ABTB3: variants seen among roughly 807,000 people sequenced by gnomAD.
The protein encoded by ABTB3 is ankyrin repeat and BTB domain containing 3.
At chr12:107,342,858 C>T in the ABTB3 span, among the ~76,000 whole-genome samples, 2 of 152,262 alleles carry the variant, frequency 1.3e-5, no homozygotes, top group East Asian at 3.9e-4. Flanking sequence ...CTCCTTTGAA[C>T]CCCCGTAGGC....
At chr12:107,441,495 A>C in the ABTB3 span, among the ~76,000 whole-genome samples, 1 of 152,164 alleles carries the variant, frequency 6.6e-6, no homozygotes, top group Non-Finnish European at 1.5e-5. Context: ...ATCAGGAAAA[A>C]TAGCTAATGC....
chr12:107,494,931 T>A, the ABTB3 span, among the ~76,000 whole-genome samples: 1 of 152,272 alleles, frequency 6.6e-6, no homozygotes, highest in Admixed American at 6.5e-5. Context: ...AAAACAGGCC[T>A]TTTAAACTCT....
At chr12:107,360,747 G>A in the ABTB3 span, among the ~76,000 whole-genome samples, 1 of 151,912 alleles carries the variant, frequency 6.6e-6, no homozygotes, top group Non-Finnish European at 1.5e-5. Context: ...TAGTCACTGG[G>A]TACATGGCTT....
chr12:107,439,925 C>G, the ABTB3 span, among the ~76,000 whole-genome samples: 2 of 152,288 alleles, frequency 1.3e-5, no homozygotes, highest in East Asian at 3.9e-4. Flanking sequence ...GGTATTAATT[C>G]CCTGCTGCTT....
chr12:107,432,180 C>T, the ABTB3 span, among the ~76,000 whole-genome samples: 7 of 152,142 alleles, frequency 4.6e-5, no homozygotes, highest in African/African-American at 1.7e-4. Flanking sequence ...CGTGTATGAC[C>T]TCCCTCCACC....
the ABTB3 span, among the ~76,000 whole-genome samples, chr12:107,538,292 T>G: frequency 6.6e-6 from 1 of 152,350 alleles, no homozygotes; most frequent in Non-Finnish European, 1.5e-5. Context: ...AATTTCAGTC[T>G]TATTAGTTCT....
At chr12:107,556,471 AGG>A in the ABTB3 span, among the ~76,000 whole-genome samples, 1 of 152,194 alleles carries the variant, frequency 6.6e-6, no homozygotes, top group Admixed American at 6.5e-5. Context: ...AGCTATCACC[AGG>A]CAGAACTGGG....
the ABTB3 span, among the ~76,000 whole-genome samples, chr12:107,414,441 A>G: frequency 6.6e-6 from 1 of 151,960 alleles, no homozygotes. Context: ...CTAAATTTTT[A>G]CCCCCACCCA....
chr12:107,406,562 G>C, the ABTB3 span, among the ~76,000 whole-genome samples: 8 of 152,128 alleles, frequency 5.3e-5, no homozygotes, highest in Non-Finnish European at 1.2e-4. Flanking sequence ...AGTGAGCTCA[G>C]AGCATGAGAT....
At chr12:107,443,253 C>G in the ABTB3 span, among the ~76,000 whole-genome samples, 1 of 151,550 alleles carries the variant, frequency 6.6e-6, no homozygotes, top group Non-Finnish European at 1.5e-5. Context: ...AATGGCGCGG[C>G]CTTTTTTTTT....
At chr12:107,397,894 T>C in the ABTB3 span, among the ~76,000 whole-genome samples, 1 of 152,184 alleles carries the variant, frequency 6.6e-6, no homozygotes, top group Non-Finnish European at 1.5e-5. Flanking sequence ...TAACGGCACC[T>C]CCGTTCTGTG....
the ABTB3 span, among the ~76,000 whole-genome samples, chr12:107,517,861 C>G: frequency 6.6e-6 from 1 of 152,116 alleles, no homozygotes; most frequent in Non-Finnish European, 1.5e-5. Flanking sequence ...TTGCAATCTA[C>G]TCATCTGACA....
the ABTB3 span, among the ~76,000 whole-genome samples, chr12:107,532,473 G>T: frequency 6.6e-6 from 1 of 152,106 alleles, no homozygotes; most frequent in Non-Finnish European, 1.5e-5. Flanking sequence ...ACACTGCTGC[G>T]CCCACCTGGA....
the ABTB3 span, chr12:107,651,647 C>CTG: frequency 6.4e-7 from 1 of 1,572,618 alleles, no homozygotes; most frequent in Non-Finnish European, 8.7e-7. Flanking sequence ...CTCCCAGCCT[C>CTG]TAACAGACTC....
the ABTB3 span, among the ~76,000 whole-genome samples, chr12:107,654,374 C>A: frequency 1.3e-5 from 2 of 152,188 alleles, no homozygotes; most frequent in African/African-American, 4.8e-5. Context: ...TCTCAGCTCA[C>A]TGTAACCTTT....
At chr12:107,631,890 A>G in the ABTB3 span, among the ~76,000 whole-genome samples, 11 of 152,226 alleles carry the variant, frequency 7.2e-5, no homozygotes, top group African/African-American at 2.7e-4. Flanking sequence ...TCTCTACTGT[A>G]AACTTCCTCT....
chr12:107,365,366 G>A, the ABTB3 span, among the ~76,000 whole-genome samples: 11 of 152,244 alleles, frequency 7.2e-5, no homozygotes, highest in African/African-American at 2.2e-4. Context: ...ATTGTTCAGA[G>A]TTTTGGGGGA....
At chr12:107,485,794 A>G in the ABTB3 span, among the ~76,000 whole-genome samples, 1 of 152,218 alleles carries the variant, frequency 6.6e-6, no homozygotes, top group East Asian at 1.9e-4. Context: ...GTGAAAGAAA[A>G]TAATGTCTTA....
At chr12:107,337,989 T>A in the ABTB3 span, among the ~76,000 whole-genome samples, 2 of 152,210 alleles carry the variant, frequency 1.3e-5, no homozygotes, top group African/African-American at 4.8e-5. Context: ...TGCCAGGTAC[T>A]GGTGTAATGG....
Sources: gnomAD v4.1 joint callset for allele counts (sites outside exome capture counted in the v4.1 genomes callset) on GRCh38, gnomAD v4.1.1 for gene constraint, MANE v1.5 for transcripts, NCBI Gene and HGNC (gene_info 2026-07-23, HGNC 2026-07-21) for gene names.